Variants in DSCAM observed in about 807,000 individuals in gnomAD.
DSCAM encodes cell adhesion molecule DSCAM.
DSCAM carries 47 observed loss-of-function variants against 217.7 expected under a neutral mutation model. The ratio of observed to expected loss-of-function variants is 0.22; its 90% CI spans 0.17 to 0.28. The LOEUF is 0.28. Ranked by LOEUF, DSCAM falls within the 10% of genes least tolerant of loss-of-function variation. DSCAM has a pLI of 1.00. For synonymous variants in DSCAM, 1,056 were observed against 1,015.3 expected (o/e 1.04, Z -0.76); for missense variants, 2,080 against 2,618.3 (o/e 0.79, Z 4.49).
At chr21:40,829,015 C>G (rs1156475091) in intron 1 of DSCAM, among the ~76,000 whole-genome samples, 2 of 152,198 alleles carry the variant, frequency 1.3e-5, no homozygotes, top group Non-Finnish European at 2.9e-5. Flanking sequence ...CTCTGTATGG[C>G]CTGCCCTGTC....
intron 16 of DSCAM, among the ~76,000 whole-genome samples, chr21:40,165,502 G>A (rs930736949): frequency 6.6e-6 from 1 of 152,198 alleles, no homozygotes; most frequent in Non-Finnish European, 1.5e-5. Context: ...AATCTAATGA[G>A]AGCCAGGCTT....
intron 1 of DSCAM, among the ~76,000 whole-genome samples, chr21:40,725,412 GGACATT>G (rs2090945205): frequency 6.6e-6 from 1 of 152,172 alleles, no homozygotes; most frequent in Admixed American, 6.5e-5. Context: ...TCTTCCCAGA[GGACATT>G]GGGGAATACT....
intron 32 of DSCAM, 45 bp downstream of exon 32, chr21:40,042,326 T>G (rs200613236): frequency 6.3e-7 from 1 of 1,587,432 alleles, no homozygotes. Context: ...ACCAGGAAGG[T>G]GCACTTCCCT....
intron 18 of DSCAM, among the ~76,000 whole-genome samples, chr21:40,136,038 G>C (rs928996347): frequency 2.0e-5 from 3 of 152,338 alleles, no homozygotes; most frequent in East Asian, 3.9e-4. Flanking sequence ...GCTGGGGAGG[G>C]AGCAGGGCGA....
chr21:40,343,156 T>C (rs764907020), intron 6 of DSCAM, among the ~76,000 whole-genome samples: 16 of 152,182 alleles, frequency 1.1e-4, no homozygotes, highest in Non-Finnish European at 2.1e-4. Context: ...GTATCATTCT[T>C]ATATCCAATG....
chr21:40,748,569 A>G lies in DSCAM; in HGVS notation c.44-39798T>C, dbSNP rs533786015. On this transcript the variant is annotated intron_variant, in intron 1 of 32. Transcript: ENST00000400454. Reference sequence around the variant, plus strand: ...CTACAATGAAAACTATAAAACGCCAATGAAAGAAATCGAAGAGGACACAAA... The same window carrying G: ...CTACAATGAAAACTATAAAACGCCAGTGAAAGAAATCGAAGAGGACACAAA... 2.5e-3 allele frequency among the ~76,000 whole-genome samples: 375 copies of G among 152,194 alleles called. 2 individuals are homozygous for G. The highest frequency in any genetic ancestry group is 2.7e-3 in the Non-Finnish European group (184 of 67,918).
intron 3 of DSCAM, among the ~76,000 whole-genome samples, chr21:40,548,463 A>C (rs1028310571): frequency 6.6e-6 from 1 of 151,912 alleles, no homozygotes; most frequent in African/African-American, 2.4e-5. Context: ...AGCAATTTAC[A>C]ATCCTGGATG....
At chr21:40,392,242 G>C in intron 3 of DSCAM, among the ~76,000 whole-genome samples, 1 of 152,104 alleles carries the variant, frequency 6.6e-6, no homozygotes, top group East Asian at 1.9e-4. Context: ...GCCTATAAGT[G>C]ATATTTATGT....
At chr21:40,438,512 T>C (rs1355900074) in intron 3 of DSCAM, among the ~76,000 whole-genome samples, 1 of 152,196 alleles carries the variant, frequency 6.6e-6, no homozygotes, top group Non-Finnish European at 1.5e-5. Flanking sequence ...TCACAAACCA[T>C]GGCACCAAAT....
At chr21:40,113,112 A>G (rs1419082955) in intron 20 of DSCAM, among the ~76,000 whole-genome samples, 1 of 152,208 alleles carries the variant, frequency 6.6e-6, no homozygotes, top group Non-Finnish European at 1.5e-5. Context: ...AGACACAACA[A>G]AAAAAGGGAA....
chr21:40,233,613 A>G (rs1335721206), intron 11 of DSCAM, among the ~76,000 whole-genome samples: 1 of 152,142 alleles, frequency 6.6e-6, no homozygotes, highest in Non-Finnish European at 1.5e-5. Flanking sequence ...CTCCACATGG[A>G]CACACTCCCT....
At chr21:40,540,915 AT>A (rs147267836) in intron 3 of DSCAM, among the ~76,000 whole-genome samples, 2,963 of 151,932 alleles carry the variant, frequency 0.02, 90 homozygotes, top group African/African-American at 0.067. Flanking sequence ...TTTTTTAAAG[AT>A]GGGGTTTCGC....
intron 20 of DSCAM, among the ~76,000 whole-genome samples, chr21:40,104,417 T>C (rs575877936): frequency 1.3e-5 from 2 of 152,166 alleles, no homozygotes; most frequent in Non-Finnish European, 2.9e-5. Flanking sequence ...AATAGTACAA[T>C]ATGTCTGTGT....
At chr21:40,546,807 C>T (rs1601733006) in intron 3 of DSCAM, among the ~76,000 whole-genome samples, 2 of 152,140 alleles carry the variant, frequency 1.3e-5, no homozygotes, top group Non-Finnish European at 2.9e-5. Flanking sequence ...CACCCCAAAA[C>T]CCATAGAAAA....
At chr21:40,424,257 G>A (rs957245333) in intron 3 of DSCAM, among the ~76,000 whole-genome samples, 2 of 152,034 alleles carry the variant, frequency 1.3e-5, no homozygotes, top group African/African-American at 4.8e-5. Context: ...CTCAAAACAT[G>A]GCTTTACTTG....
At chr21:40,412,308 C>G (rs2075330629) in intron 3 of DSCAM, among the ~76,000 whole-genome samples, 2 of 152,090 alleles carry the variant, frequency 1.3e-5, no homozygotes, top group Admixed American at 1.3e-4. Flanking sequence ...AACTGGGTAA[C>G]AAGAAGAGGC....
intron 2 of DSCAM, among the ~76,000 whole-genome samples, chr21:40,699,888 A>G (rs896717537): frequency 2.0e-5 from 3 of 152,250 alleles, no homozygotes; most frequent in Non-Finnish European, 4.4e-5. Context: ...GCTAATGTCA[A>G]TGATGAAGGT....
At chr21:40,351,120 T>C (rs1028491085) in intron 5 of DSCAM, among the ~76,000 whole-genome samples, 2 of 152,024 alleles carry the variant, frequency 1.3e-5, no homozygotes, top group East Asian at 1.9e-4. Flanking sequence ...AAACCCGTCA[T>C]TGAAGACATT....
chr21:40,674,629 T>C (rs1249099285), intron 3 of DSCAM, among the ~76,000 whole-genome samples: 1 of 51,540 alleles, frequency 1.9e-5, no homozygotes, highest in African/African-American at 5.4e-5. Context: ...TCTTTTTCTT[T>C]TTCTTTTTTT....
Sources: allele counts gnomAD v4.1 joint callset (sites outside exome capture counted in the v4.1 genomes callset), GRCh38; gene constraint gnomAD v4.1.1; transcripts MANE v1.5; gene names NCBI Gene and HGNC (gene_info 2026-07-23, HGNC 2026-07-21).